EHMT1: variants seen among roughly 807,000 people sequenced by gnomAD.
EHMT1 encodes euchromatic histone lysine methyltransferase 1, also known as histone-lysine N-methyltransferase EHMT1.
EHMT1 carries 15 observed loss-of-function variants against 147.2 expected under a neutral mutation model. The ratio of observed to expected loss-of-function variants is 0.10; its 90% confidence interval spans 0.07 to 0.16. The LOEUF (loss-of-function observed/expected upper bound fraction) is 0.16. Ranked by LOEUF, EHMT1 falls within the 10% of genes least tolerant of loss-of-function variation. The pLI, the probability that EHMT1 is intolerant of heterozygous loss-of-function variation, is 1.00. For missense variants in EHMT1, 1,587 were observed against 1,772.4 expected (o/e 0.90, Z 1.88); for synonymous variants, 795 against 709.6 (o/e 1.12, Z -1.91).
In EHMT1 at chr9:137,813,166, G is replaced by A. The variant is rs200237137; in HGVS notation, c.3028G>A (p.Val1010Met). 725 of 1,609,094 alleles carry A rather than the reference G, an allele frequency of 4.5e-4. 14 individuals are homozygous for A. The South Asian group carries it at 7.6e-3, about 17-fold the overall frequency. ...CAGGCCCAGCCCCGTGGAGAGGATA[G>A]TGAGCAGGTGAGCCCAGCCCCAGGA... ...PDRPSPVERI[V>M]SRDIARGYER... The change falls in exon 20 of 27, where the codon GTG becomes ATG. Residue 1010 changes from valine (V) to methionine (M), a missense_variant. Physicochemically the swap from Val to Met is conservative, Grantham distance 21 (BLOSUM62 1). Coordinates refer to ENST00000460843, the MANE Select transcript of EHMT1 (RefSeq NM_024757.5). The surrounding 1 kb of genome is among the most constrained non-coding windows in gnomAD (Gnocchi z 4.9).
intron 10 of EHMT1, among the ~76,000 whole-genome samples, chr9:137,772,101 G>C (rs1441027091): frequency 6.6e-6 from 1 of 152,148 alleles, no homozygotes; most frequent in African/African-American, 2.4e-5. Context: ...TGTTCCGCTT[G>C]ATAATGGTTC....
chr9:137,771,634 C>T (rs4260957), intron 10 of EHMT1, among the ~76,000 whole-genome samples: 29,995 of 152,152 alleles, frequency 0.2, 7,753 homozygotes, highest in African/African-American at 0.6. Flanking sequence ...CCTTGCTGGA[C>T]GACATGGTCT....
At chr9:137,641,783 G>C (rs535716253) in intron 1 of EHMT1, among the ~76,000 whole-genome samples, 1 of 152,270 alleles carries the variant, frequency 6.6e-6, no homozygotes, top group South Asian at 2.1e-4. Flanking sequence ...CTGGACCCAA[G>C]GGCCTCCTTG....
At chr9:137,799,382 C>T (rs771567347) in intron 17 of EHMT1, among the ~76,000 whole-genome samples, 7 of 152,310 alleles carry the variant, frequency 4.6e-5, no homozygotes, top group African/African-American at 7.2e-5. Context: ...CCTTGGCACC[C>T]GTCTTCCTTC....
chr9:137,803,156 C>T, intron 18 of EHMT1: 1 of 1,225,870 alleles, frequency 8.2e-7, no homozygotes, highest in Admixed American at 4.2e-5. Flanking sequence ...GCTGTTCCCC[C>T]AGAATGGAAG....
At chr9:137,669,377 GGACTC>G (rs1940186680) in intron 1 of EHMT1, among the ~76,000 whole-genome samples, 2 of 3,290 alleles carry the variant, frequency 6.1e-4, no homozygotes, top group African/African-American at 3.1e-3. Flanking sequence ...CACGTGCACT[GGACTC>G]CACCCAAGAC....
intron 6 of EHMT1, among the ~76,000 whole-genome samples, chr9:137,749,678 C>T (rs1948822553): frequency 6.6e-6 from 1 of 152,206 alleles, no homozygotes; most frequent in African/African-American, 2.4e-5. Context: ...TGATTCCTTA[C>T]AGCTGTCTTA....
chr9:137,647,043 C>G (rs1844942130), intron 1 of EHMT1, among the ~76,000 whole-genome samples: 1 of 151,640 alleles, frequency 6.6e-6, no homozygotes. Flanking sequence ...ATAATTCAAG[C>G]AAAAAAAACC....
At chr9:137,662,363 A>G (rs1051439314) in intron 1 of EHMT1, among the ~76,000 whole-genome samples, 4 of 151,528 alleles carry the variant, frequency 2.6e-5, no homozygotes, top group African/African-American at 9.7e-5. Flanking sequence ...ATCCCGAGCT[A>G]ATTTTTGTAT....
chr9:137,669,706 C>G (rs558385015), intron 1 of EHMT1, among the ~76,000 whole-genome samples: 2 of 151,782 alleles, frequency 1.3e-5, no homozygotes, highest in Non-Finnish European at 2.9e-5. Context: ...TAAAAAAAAG[C>G]TTTGCTTTTG....
intron 1 of EHMT1, among the ~76,000 whole-genome samples, chr9:137,710,348 C>T (rs1944592215): frequency 1.3e-5 from 2 of 152,222 alleles, no homozygotes; most frequent in South Asian, 4.2e-4. Flanking sequence ...TGGTGTGCAC[C>T]TGTAGTCCCA....
chr9:137,753,970 C>G lies in EHMT1; in HGVS notation c.1249-201C>G, dbSNP rs9696456. 2.6e-3 allele frequency among the ~76,000 whole-genome samples: 400 copies of G among 152,312 alleles called. 2 individuals are homozygous for G. The highest frequency in any genetic ancestry group is 9.4e-3 in the African/African-American group (391 of 41,568). ...TTGTTTTGTTTTATCTCTAAAGGGA[C>G]TGAGCTGAGAGAGTTAGGGAAAAGC... On this transcript the variant is annotated intron_variant, in intron 7 of 26. Coordinates refer to ENST00000460843, the MANE Select transcript of EHMT1 (RefSeq NM_024757.5).
chr9:137,661,486 CTTTTTTTT>C (rs1195276514), intron 1 of EHMT1, among the ~76,000 whole-genome samples: 1 of 133,940 alleles, frequency 7.5e-6, no homozygotes, highest in East Asian at 2.1e-4. Context: ...TTTTGTACAT[CTTTTTTTT>C]TTTTTTTTTT....
At chr9:137,773,034 C>T (rs963002982) in intron 10 of EHMT1, among the ~76,000 whole-genome samples, 1 of 152,088 alleles carries the variant, frequency 6.6e-6, no homozygotes, top group East Asian at 1.9e-4. Context: ...ACAGCATTAT[C>T]GTTTTTATGA....
At chr9:137,740,642 G>T (rs1947975800) in intron 4 of EHMT1, among the ~76,000 whole-genome samples, 3 of 150,922 alleles carry the variant, frequency 2.0e-5, no homozygotes, top group Non-Finnish European at 4.4e-5. Flanking sequence ...CTACATTTCT[G>T]AAAGTCATCC....
At chr9:137,759,453 T>G (rs543334274) in intron 9 of EHMT1, among the ~76,000 whole-genome samples, 2 of 152,308 alleles carry the variant, frequency 1.3e-5, no homozygotes, top group South Asian at 2.1e-4. Context: ...AGCTGGCACA[T>G]GAAGGCCGTT....
At chr9:137,664,847 T>C (rs1169434062) in intron 1 of EHMT1, 1 of 152,242 alleles carries the variant, frequency 6.6e-6, no homozygotes, top group Non-Finnish European at 1.5e-5. Context: ...ACATTTGAAC[T>C]TGGAGTCCCA....
intron 1 of EHMT1, among the ~76,000 whole-genome samples, chr9:137,696,333 C>G (rs192001675): frequency 6.6e-6 from 1 of 152,246 alleles, no homozygotes; most frequent in African/African-American, 2.4e-5. Context: ...CTTGGAGAAG[C>G]CGTTTGGCAT....
chr9:137,738,976 G>A (rs1431084977), intron 4 of EHMT1, among the ~76,000 whole-genome samples: 3 of 151,894 alleles, frequency 2.0e-5, no homozygotes, highest in Non-Finnish European at 4.4e-5. Flanking sequence ...AGATAGGGGT[G>A]ATAGTTGCAC....
Sources: gnomAD v4.1 joint callset for allele counts (sites outside exome capture counted in the v4.1 genomes callset) on GRCh38, gnomAD v4.1.1 for gene constraint, Gnocchi (gnomAD v3.1) non-coding constraint, MANE v1.5 for transcripts, NCBI Gene and HGNC (gene_info 2026-07-23, HGNC 2026-07-21) for gene names.